Variants in GASK1B observed in about 807,000 individuals in gnomAD.
GASK1B encodes Golgi-associated kinase 1B.
Under a neutral mutation model 42.8 loss-of-function variants are expected in GASK1B, and 34 were observed. That is an observed-to-expected ratio of 0.79 (90% CI 0.60 to 1.06). GASK1B has a LOEUF of 1.06. Among genes scored for constraint, GASK1B ranks in the 50% least tolerant of loss-of-function variants. The pLI is 0.00. For synonymous variants in GASK1B, 262 were observed against 259.1 expected (o/e 1.01, Z -0.11); for missense variants, 686 against 661.0 (o/e 1.04, Z -0.42).
chr4:158,155,469 A>T (rs1731720514), intron 3 of GASK1B, 142 bp downstream of exon 3: 1 of 738,990 alleles, frequency 1.4e-6, no homozygotes, highest in African/African-American at 1.8e-5. Context: ...TTATGGCCAA[A>T]ACCACAATTA....
At chr4:158,149,923 C>CTTTTTTGTTTTTTTTTTTT (rs1731484621) in intron 3 of GASK1B, among the ~76,000 whole-genome samples, 2 of 67,176 alleles carry the variant, frequency 3.0e-5, no homozygotes, top group Non-Finnish European at 5.0e-5. Flanking sequence ...CTGCATGCTG[C>CTTTTTTGTTTTTTTTTTTT]TTTTTTTTTT....
chr4:158,141,187 G>A (rs1731099490), intron 3 of GASK1B, among the ~76,000 whole-genome samples: 1 of 152,048 alleles, frequency 6.6e-6, no homozygotes, highest in Admixed American at 6.5e-5. Flanking sequence ...AGTTCTAGAG[G>A]CTTTCAAGTT....
Position 158,130,786 on chromosome 4 carries a change from T to C in GASK1B, c.1352A>G (p.Glu451Gly), listed in dbSNP as rs374139745. Residue 451 changes from glutamate (E) to glycine (G), a missense_variant and splice_region_variant, in exon 4 of 5, where the codon GAG becomes GGG. Coordinates refer to ENST00000585682, the MANE Select transcript of GASK1B (RefSeq NM_001128424.2). The stretch of plus-strand genomic sequence containing the variant: ...CTGCAGATGTTACTATAAAACTTAC[T>C]CTTTGATGCCTTCTAACAATTTGAA... ...LNFKLLEGIK[E>G]FPASAVSVLK... 4.7e-5 allele frequency: 76 copies of C among 1,609,348 alleles called. No homozygotes were observed. Among genetic ancestry groups the C allele is most frequent in the Non-Finnish European group, 5.8e-5 (68 of 1,177,434 alleles).
At chr4:158,135,557 G>T (rs987115498) in intron 3 of GASK1B, among the ~76,000 whole-genome samples, 1 of 151,658 alleles carries the variant, frequency 6.6e-6, no homozygotes, top group African/African-American at 2.4e-5. Flanking sequence ...AGGCAGAAAA[G>T]GGCTAGTTGA....
intron 2 of GASK1B, chr4:158,168,500 T>C (rs1732316593): frequency 6.6e-6 from 1 of 152,194 alleles, no homozygotes; most frequent in African/African-American, 2.4e-5. Context: ...ATAACCAATA[T>C]TTATTGAAGG....
At chr4:158,147,430 T>TC (rs1199014294) in intron 3 of GASK1B, among the ~76,000 whole-genome samples, 1 of 151,868 alleles carries the variant, frequency 6.6e-6, no homozygotes, top group Non-Finnish European at 1.5e-5. Context: ...ATAGTGAGAC[T>TC]CCGTCTCTAT....
Position 158,171,234 on chromosome 4 carries a change from A to G in GASK1B, c.142T>C (p.Leu48=), listed in dbSNP as rs1732517623. ...LLLGTACAIY[L]GFLVSQVGRA... ...CCCACCTGGCTCACCAGGAAGCCCA[A>G]GTAGATGGCACACGCAGTGCCCAGC... is the stretch of plus-strand genomic sequence containing the variant. The change falls in exon 2 of 5, where the codon TTG becomes CTG. Residue 48 remains leucine (L), a synonymous_variant. Transcript: ENST00000585682. 1 of 1,614,056 alleles carries G rather than the reference A, an allele frequency of 6.2e-7. No individual in the cohort carries two copies. The highest frequency in any genetic ancestry group is 8.5e-7 in the Non-Finnish European group (1 of 1,180,002).
At position 158,152,966 on chromosome 4, in the gene GASK1B, T is replaced by A. The variant is rs200085027; in HGVS notation, c.1125+2645A>T. Among the ~76,000 whole-genome samples, 10 of 152,282 alleles carry A rather than the reference T, an allele frequency of 6.6e-5. No homozygotes were observed. The East Asian group carries it at 1.9e-3, about 29-fold the overall frequency. On this transcript the variant is annotated intron_variant, in intron 3 of 4. Coordinates refer to ENST00000585682, the MANE Select transcript of GASK1B (RefSeq NM_001128424.2). ...AAGACAAAGATCCCACTTTCCCCACTTCTATTCAACATAATACTGGAAATC... is the reference window on the plus strand; with the variant it reads ...AAGACAAAGATCCCACTTTCCCCACATCTATTCAACATAATACTGGAAATC...
intron 3 of GASK1B, among the ~76,000 whole-genome samples, chr4:158,135,441 A>T (rs942231791): frequency 3.2e-4 from 48 of 151,726 alleles, no homozygotes; most frequent in African/African-American, 1.1e-3. Flanking sequence ...AGTATGTGCC[A>T]GGAACTGTAT....
chr4:158,137,482 C>G (rs560680403), intron 3 of GASK1B, among the ~76,000 whole-genome samples: 1 of 152,194 alleles, frequency 6.6e-6, no homozygotes, highest in Non-Finnish European at 1.5e-5. Flanking sequence ...TGTTTATCAG[C>G]TAATAACTTA....
chr4:158,159,066 G>GTGT (rs1021423422), intron 2 of GASK1B, among the ~76,000 whole-genome samples: 1 of 152,042 alleles, frequency 6.6e-6, no homozygotes, highest in Non-Finnish European at 1.5e-5. Flanking sequence ...GCCAAATAAA[G>GTGT]TGTTCAGCTG....
intron 3 of GASK1B, among the ~76,000 whole-genome samples, chr4:158,137,328 T>A (rs141467334): frequency 6.6e-6 from 1 of 152,310 alleles, no homozygotes; most frequent in African/African-American, 2.4e-5. Context: ...CAATCCAAGT[T>A]ACCTCATTGG....
intron 3 of GASK1B, among the ~76,000 whole-genome samples, chr4:158,143,453 C>A (rs903457796): frequency 6.6e-6 from 1 of 152,102 alleles, no homozygotes; most frequent in African/African-American, 2.4e-5. Context: ...CAATGATTTG[C>A]ACATTAATTG....
intron 2 of GASK1B, chr4:158,159,517 C>T (rs878979454): frequency 6.7e-6 from 3 of 450,718 alleles, no homozygotes; most frequent in African/African-American, 4.0e-5. Flanking sequence ...GCAACTTACC[C>T]TGAAGTGTTT....
Position 158,125,820 on chromosome 4 carries a change from T to G in GASK1B, c.*1587A>C, listed in dbSNP as rs1430131092. ...ATTAGATTTTCAAATGATCTCTCTC[T>G]CCTTGGTCCATCTTCTCTTATACTT... On this transcript the variant is annotated 3_prime_UTR_variant, in exon 5 of 5. Coordinates refer to ENST00000585682, the MANE Select transcript of GASK1B (RefSeq NM_001128424.2). 1 of 152,132 alleles carries G rather than the reference T, an allele frequency of 6.6e-6. No individual in the cohort carries two copies. The highest frequency in any genetic ancestry group is 2.4e-5 in the African/African-American group (1 of 41,444). 9.4% of individuals were successfully genotyped at this position (152,132 alleles called of 1,614,324 possible). A position where few individuals can be genotyped will look rare whatever the true frequency, so the allele number is the denominator to read the frequency against.
At chr4:158,148,445 T>C (rs1731418185) in intron 3 of GASK1B, among the ~76,000 whole-genome samples, 1 of 152,208 alleles carries the variant, frequency 6.6e-6, no homozygotes, top group African/African-American at 2.4e-5. Context: ...TTTTGCACTG[T>C]GGGAAATAAA....
At chr4:158,159,788 A>T (rs1216904543) in intron 2 of GASK1B, 1 of 169,838 alleles carries the variant, frequency 5.9e-6, no homozygotes, top group Non-Finnish European at 1.3e-5. Context: ...GTCGTTTTTT[A>T]TTCAAAAGCA....
intron 3 of GASK1B, among the ~76,000 whole-genome samples, chr4:158,142,563 G>A (rs1731177825): frequency 6.6e-6 from 1 of 152,114 alleles, no homozygotes; most frequent in Non-Finnish European, 1.5e-5. Context: ...TAAAGAAGTA[G>A]TCTAACTAAT....
At chr4:158,127,910 G>T (rs1434650951) in intron 4 of GASK1B, among the ~76,000 whole-genome samples, 1 of 152,098 alleles carries the variant, frequency 6.6e-6, no homozygotes, top group Non-Finnish European at 1.5e-5. Context: ...CTATTAGATT[G>T]GCAGAAATAC....
Sources: gnomAD v4.1 joint callset for allele counts (sites outside exome capture counted in the v4.1 genomes callset) on GRCh38, gnomAD v4.1.1 for gene constraint, MANE v1.5 for transcripts, NCBI Gene and HGNC (gene_info 2026-07-23, HGNC 2026-07-21) for gene names.